Variants in DTNB observed in about 807,000 individuals in gnomAD.
DTNB encodes DTN-B.
In DTNB, 63 loss-of-function variants were observed where a neutral mutation model predicts 90.7. That is an observed-to-expected ratio of 0.69 (90% confidence interval 0.57 to 0.86). The LOEUF (loss-of-function observed/expected upper bound fraction) is 0.86. Ranked by LOEUF, DTNB falls within the 40% of genes least tolerant of loss-of-function variation. The pLI, the probability that DTNB is intolerant of heterozygous loss-of-function variation, is 0.00. For missense variants in DTNB, 744 were observed against 807.1 expected (o/e 0.92, Z 0.95); for synonymous variants, 277 against 286.7 (o/e 0.97, Z 0.34).
intron 12 of DTNB, among the ~76,000 whole-genome samples, chr2:25,445,984 T>C (rs138242352): frequency 9.7e-4 from 145 of 149,602 alleles, no homozygotes; most frequent in African/African-American, 3.1e-3. Context: ...TTTTGAATAA[T>C]AAACTAGCTA....
At chr2:25,648,140 G>C (rs1221328549) in intron 2 of DTNB, among the ~76,000 whole-genome samples, 3 of 152,118 alleles carry the variant, frequency 2.0e-5, no homozygotes, top group Non-Finnish European at 4.4e-5. Flanking sequence ...CTTTCATTTT[G>C]GCACCAGAGT....
chr2:25,596,280 A>G, intron 5 of DTNB, 40 bp from the exon 6 acceptor site: 3 of 1,547,920 alleles, frequency 1.9e-6, no homozygotes, highest in South Asian at 1.2e-5. Flanking sequence ...CTATAAGGAA[A>G]TATCAGCTTT....
chr2:25,444,840 A>T (rs1225517507), intron 12 of DTNB, among the ~76,000 whole-genome samples: 1 of 152,216 alleles, frequency 6.6e-6, no homozygotes, highest in African/African-American at 2.4e-5. Flanking sequence ...CACTTGTATC[A>T]ATGTGAGATT....
intron 1 of DTNB, among the ~76,000 whole-genome samples, chr2:25,665,581 G>A (rs538925357): frequency 5.8e-4 from 88 of 151,944 alleles, no homozygotes; most frequent in Non-Finnish European, 1.0e-3. Context: ...AGCTGAGATC[G>A]TGCCACTGCA....
At chr2:25,534,259 G>A (rs900917726) in intron 8 of DTNB, among the ~76,000 whole-genome samples, 3 of 152,098 alleles carry the variant, frequency 2.0e-5, no homozygotes, top group Non-Finnish European at 2.9e-5. Context: ...ATCTTGCACC[G>A]CCCTTAATCC....
In DTNB at chr2:25,531,493, T is replaced by C. The variant is rs761309134; in HGVS notation, c.981A>G (p.Pro327=). The change falls in exon 9 of 21, where the codon CCA becomes CCG. Residue 327 remains proline, a synonymous_variant. Coordinates refer to ENST00000406818, the MANE Select transcript of DTNB (RefSeq NM_021907.5). ...CTTACACTATATGTGCAAGGTCAAGTGGTTTCTCTGGTTGCTCAGGAAAAA... is the reference window on the plus strand; with the variant it reads ...CTTACACTATATGTGCAAGGTCAAGCGGTTTCTCTGGTTGCTCAGGAAAAA... ...HPVFPEQPEK[P]LDLAHIVPPR... is the part of the protein sequence containing the mutation. 4 of 1,613,964 alleles carry C rather than the reference T, an allele frequency of 2.5e-6. No individual in the cohort carries two copies. The South Asian group carries it at 4.4e-5, about 18-fold the overall frequency.
At chr2:25,630,278 AC>A in intron 3 of DTNB, among the ~76,000 whole-genome samples, 1 of 152,312 alleles carries the variant, frequency 6.6e-6, no homozygotes, top group South Asian at 2.1e-4. Flanking sequence ...ATTCTCATAA[AC>A]TGCTGGTGCA....
At chr2:25,416,052 G>A (rs2047841589) in intron 16 of DTNB, among the ~76,000 whole-genome samples, 1 of 152,200 alleles carries the variant, frequency 6.6e-6, no homozygotes, top group Non-Finnish European at 1.5e-5. Context: ...GGTGTCTGAA[G>A]TGTGAGGCAC....
intron 10 of DTNB, among the ~76,000 whole-genome samples, chr2:25,470,296 C>A (rs907436971): frequency 5.3e-5 from 8 of 151,988 alleles, no homozygotes; most frequent in Non-Finnish European, 7.4e-5. Flanking sequence ...AGTAAGGAAA[C>A]CCTAGGTAAG....
intron 9 of DTNB, among the ~76,000 whole-genome samples, chr2:25,503,967 G>A (rs1220146708): frequency 6.7e-6 from 1 of 150,254 alleles, no homozygotes; most frequent in Non-Finnish European, 1.5e-5. Context: ...TAAAAAATAT[G>A]TAGAAATAAA....
chr2:25,634,292 T>G (rs1408916287), intron 3 of DTNB, among the ~76,000 whole-genome samples: 9 of 79,906 alleles, frequency 1.1e-4, no homozygotes, highest in Admixed American at 2.7e-4. Flanking sequence ...GGTGGGGGGG[T>G]CAGCCCCCCG....
chr2:25,455,129 G>A (rs934126645), intron 11 of DTNB, among the ~76,000 whole-genome samples: 4 of 152,150 alleles, frequency 2.6e-5, no homozygotes, highest in Non-Finnish European at 5.9e-5. Flanking sequence ...TCCCTCATAG[G>A]TTTATATATT....
chr2:25,414,168 T>C (rs2047302450), intron 16 of DTNB, among the ~76,000 whole-genome samples: 3 of 152,248 alleles, frequency 2.0e-5, no homozygotes, highest in African/African-American at 4.8e-5. Context: ...TTGTAGATTC[T>C]GGATATTAGC....
chr2:25,384,438 T>C (rs1048637359), intron 18 of DTNB, among the ~76,000 whole-genome samples: 7 of 152,214 alleles, frequency 4.6e-5, no homozygotes, highest in African/African-American at 1.7e-4. Flanking sequence ...AGATGCCTTG[T>C]GCTCTGCAGG....
chr2:25,515,886 C>G (rs1210622311), intron 9 of DTNB, among the ~76,000 whole-genome samples: 1 of 152,056 alleles, frequency 6.6e-6, no homozygotes, highest in East Asian at 1.9e-4. Context: ...TGCTTCATTT[C>G]TAAGATGTTA....
chr2:25,645,592 C>T (rs867417194), intron 2 of DTNB, among the ~76,000 whole-genome samples: 29 of 152,116 alleles, frequency 1.9e-4, no homozygotes, highest in Middle Eastern at 6.8e-3. Flanking sequence ...CAAAAACATG[C>T]CACCACACCT....
At chr2:25,637,045 A>T (rs2077266333) in intron 3 of DTNB, among the ~76,000 whole-genome samples, 1 of 152,168 alleles carries the variant, frequency 6.6e-6, no homozygotes, top group African/African-American at 2.4e-5. Context: ...GCCCTCAGAA[A>T]TAATAGCACA....
chr2:25,628,080 A>T, intron 4 of DTNB, 91 bp downstream of exon 4: 3 of 1,376,792 alleles, frequency 2.2e-6, no homozygotes, highest in Non-Finnish European at 3.0e-6. Flanking sequence ...CAGCTTAGCA[A>T]GGCAACTTAG....
At chr2:25,455,836 T>C (rs895837002) in intron 10 of DTNB, among the ~76,000 whole-genome samples, 19 of 152,236 alleles carry the variant, frequency 1.2e-4, no homozygotes, top group Non-Finnish European at 2.4e-4. Flanking sequence ...GAAGATGCCT[T>C]CTGGCAAGAC....
Sources: allele counts gnomAD v4.1 joint callset (sites outside exome capture counted in the v4.1 genomes callset), GRCh38; gene constraint gnomAD v4.1.1; transcripts MANE v1.5; gene names NCBI Gene and HGNC (gene_info 2026-07-23, HGNC 2026-07-21).